The following CNTN5 variants were observed in gnomAD, a reference collection of about 807,000 sequenced individuals.
The protein encoded by CNTN5 is contactin-5.
A neutral mutation model predicts 129.1 loss-of-function variants in CNTN5; 77 were observed. The observed-to-expected ratio is 0.60, with a 90% CI of 0.50 to 0.72. CNTN5 has a LOEUF of 0.72. Ranked by LOEUF, CNTN5 falls within the 30% of genes least tolerant of loss-of-function variation. The pLI is 0.00. For synonymous variants in CNTN5, 509 were observed against 465.6 expected, an observed-to-expected ratio of 1.09 and a Z score of -1.20; for missense variants, 1,478 against 1,328.8, an observed-to-expected ratio of 1.11 and a Z score of -1.75.
chr11:99,672,236 T>G (rs1191765837), intron 3 of CNTN5, among the ~76,000 whole-genome samples: 1 of 152,198 alleles, frequency 6.6e-6, no homozygotes, highest in African/African-American at 2.4e-5. Context: ...TTTTTCCTTT[T>G]GCTCTCTTAA....
At chr11:100,257,750 C>CA (rs1305606066) in intron 17 of CNTN5, among the ~76,000 whole-genome samples, 1 of 152,102 alleles carries the variant, frequency 6.6e-6, no homozygotes, top group Non-Finnish European at 1.5e-5. Flanking sequence ...TCAACATTAA[C>CA]AAAAAGAATG....
intron 1 of CNTN5, among the ~76,000 whole-genome samples, chr11:99,134,054 A>G (rs1174815705): frequency 6.6e-6 from 1 of 152,202 alleles, no homozygotes; most frequent in Non-Finnish European, 1.5e-5. Context: ...CATATACGTC[A>G]TGGAATACTA....
rs187270747 is a variant in CNTN5, at chr11:99,176,243, T to C, written c.-209-149103T>C. Among the ~76,000 whole-genome samples, 725 of 152,242 alleles carry C rather than the reference T, an allele frequency of 4.8e-3. 1 individual carries two copies. Among genetic ancestry groups the C allele is most frequent in the Middle Eastern group, 0.017 (5 of 294 alleles). On this transcript the variant is annotated intron_variant, in intron 1 of 24. Coordinates refer to ENST00000524871, the MANE Select transcript of CNTN5 (RefSeq NM_014361.4). ...TTTTTTTTCTTCCTTTAGATGGCTC[T>C]GTCCCAGACCGAGAGGTTAAGAGAC...
intron 3 of CNTN5, among the ~76,000 whole-genome samples, chr11:99,666,780 C>A (rs61910758): frequency 6.6e-6 from 1 of 152,018 alleles, no homozygotes. Flanking sequence ...CTTTTTTTTC[C>A]TATCTTAGCC....
intron 1 of CNTN5, among the ~76,000 whole-genome samples, chr11:99,245,227 G>C (rs1173175308): frequency 6.6e-6 from 1 of 152,138 alleles, no homozygotes; most frequent in Non-Finnish European, 1.5e-5. Context: ...TGGTACAAAA[G>C]TAAGTAATAC....
intron 13 of CNTN5, among the ~76,000 whole-genome samples, chr11:100,162,507 T>G (rs1002326018): frequency 9.9e-5 from 15 of 152,004 alleles, no homozygotes; most frequent in African/African-American, 3.6e-4. Flanking sequence ...ATTTTTTAAT[T>G]TTTGAAAATT....
chr11:99,536,632 C>G (rs1453365827), intron 2 of CNTN5, among the ~76,000 whole-genome samples: 1 of 151,836 alleles, frequency 6.6e-6, no homozygotes, highest in Non-Finnish European at 1.5e-5. Context: ...AGAAAAGAAC[C>G]AAGTGATGAT....
chr11:99,126,573 G>C (rs993470240), intron 1 of CNTN5, among the ~76,000 whole-genome samples: 3 of 152,180 alleles, frequency 2.0e-5, no homozygotes, highest in African/African-American at 7.2e-5. Context: ...CCAGGTAAGA[G>C]CGTAATGATA....
intron 1 of CNTN5, among the ~76,000 whole-genome samples, chr11:99,179,898 G>A (rs1010744991): frequency 1.3e-5 from 2 of 152,144 alleles, no homozygotes; most frequent in Admixed American, 1.3e-4. Context: ...ACATTGAAAA[G>A]TCAACCACTA....
At chr11:99,079,680 C>T (rs79078400) in intron 1 of CNTN5, among the ~76,000 whole-genome samples, 5,754 of 152,238 alleles carry the variant, frequency 0.038, 224 homozygotes, top group African/African-American at 0.098. Context: ...AGTTTATCCT[C>T]GAGCCAAAAC....
intron 13 of CNTN5, among the ~76,000 whole-genome samples, chr11:100,091,052 C>T (rs1944762557): frequency 1.3e-5 from 2 of 152,152 alleles, no homozygotes; most frequent in African/African-American, 2.4e-5. Flanking sequence ...CCTTCTACGA[C>T]ACATGAGACT....
chr11:99,840,213 C>G (rs896502452), intron 4 of CNTN5, among the ~76,000 whole-genome samples: 3 of 151,946 alleles, frequency 2.0e-5, no homozygotes, highest in Non-Finnish European at 2.9e-5. Flanking sequence ...TAGTAGTGAA[C>G]GTGTAATTTG....
chr11:99,343,380 T>A (rs1375175380), intron 2 of CNTN5, among the ~76,000 whole-genome samples: 1 of 152,136 alleles, frequency 6.6e-6, no homozygotes, highest in Non-Finnish European at 1.5e-5. Flanking sequence ...GATAAAAAGG[T>A]TTCTGACTCT....
intron 3 of CNTN5, among the ~76,000 whole-genome samples, chr11:99,715,524 A>C (rs1432558574): frequency 6.6e-6 from 1 of 151,890 alleles, no homozygotes; most frequent in African/African-American, 2.4e-5. Flanking sequence ...GAGGAAGAAC[A>C]GGAAACAGAG....
intron 1 of CNTN5, among the ~76,000 whole-genome samples, chr11:99,146,823 T>C (rs987303883): frequency 1.3e-5 from 2 of 151,996 alleles, no homozygotes; most frequent in Admixed American, 6.6e-5. Context: ...CTGGACTCAA[T>C]TGATCCTCCC....
At position 100,357,327 on chromosome 11, in the gene CNTN5, A is replaced by T. The variant is rs1952545386; in HGVS notation, c.*1107A>T. The T allele has an allele frequency of 6.6e-6, 1 of 151,786 alleles. No homozygotes were observed. The highest frequency in any genetic ancestry group is 2.1e-4 in the South Asian group (1 of 4,832). The allele number at this position is 151,786 out of a possible 1,614,324, so 9.4% of individuals were successfully genotyped here. A position where few individuals can be genotyped will look rare whatever the true frequency, so the allele number is the denominator to read the frequency against. ...TCTTTCTTGGATAAATTGAATTTTT[A>T]ATTAAGCTGTGGAAACATGGCATCA... On this transcript the variant is annotated 3_prime_UTR_variant, in exon 25 of 25. Coordinates refer to ENST00000524871, the MANE Select transcript of CNTN5 (RefSeq NM_014361.4).
chr11:99,398,202 G>T (rs189771324), intron 2 of CNTN5, among the ~76,000 whole-genome samples: 249 of 151,822 alleles, frequency 1.6e-3, no homozygotes, highest in African/African-American at 5.8e-3. Context: ...ATTACAGAGT[G>T]TTTTTTTGTT....
intron 16 of CNTN5, among the ~76,000 whole-genome samples, chr11:100,235,302 T>A (rs1367055470): frequency 6.6e-6 from 1 of 152,152 alleles, no homozygotes; most frequent in Non-Finnish European, 1.5e-5. Flanking sequence ...TGAGTAGTAA[T>A]TTACTGTCAT....
In CNTN5 at chr11:99,781,821, G is replaced by A. The variant is rs185387093; in HGVS notation, c.56-37723G>A. On this transcript the variant is annotated intron_variant, in intron 3 of 24. Transcript: ENST00000524871. The stretch of plus-strand genomic sequence containing the variant: ...TCAATAAATTAGGGATTGATGGGAC[G>A]TATCTCAAAATAATAAGAGCTATCT... Among the ~76,000 whole-genome samples, 26 of 152,110 alleles carry A rather than the reference G, an allele frequency of 1.7e-4. No individual in the cohort carries two copies. In the East Asian group the frequency reaches 3.1e-3, roughly 18 times the overall value.
Sources: gnomAD v4.1 joint callset for allele counts (sites outside exome capture counted in the v4.1 genomes callset) on GRCh38, gnomAD v4.1.1 for gene constraint, MANE v1.5 for transcripts, NCBI Gene and HGNC (gene_info 2026-07-23, HGNC 2026-07-21) for gene names.